Variants in XKR4 observed in about 807,000 individuals in gnomAD.
XKR4 encodes XK related 4, also known as XK-related protein 4.
Under a neutral mutation model 53.9 loss-of-function variants are expected in XKR4, and 12 were observed. The observed-to-expected ratio is 0.22, with a 90% confidence interval of 0.14 to 0.36. The LOEUF (loss-of-function observed/expected upper bound fraction) is 0.36, where lower values mean the gene tolerates loss of function less well. Among genes scored for constraint, XKR4 ranks in the 10% least tolerant of loss-of-function variants. XKR4 has a pLI of 1.00. For missense variants in XKR4, 799 were observed against 859.5 expected (o/e 0.93, Z 0.88); for synonymous variants, 354 against 362.4 (o/e 0.98, Z 0.26).
chr8:55,523,569 T>C lies in XKR4; in HGVS notation c.1295T>C (p.Val432Ala). The C allele has an allele frequency of 1.2e-6, 2 of 1,614,204 alleles. No homozygotes were observed. The highest frequency in any genetic ancestry group is 1.7e-6 in the Non-Finnish European group (2 of 1,180,042). Residue 432 changes from valine to alanine, a missense_variant, in exon 3 of 3, where the codon GTG becomes GCG. Physicochemically the swap from Val to Ala is moderately conservative, Grantham distance 64. Transcript: ENST00000327381. ...TGTATCACCAAATGGGAAGAGATTG[T>C]GTTCGACATGGTGGTGGGGATTATC... ...EFCITKWEEIVFDMVVGIIYI... is the reference protein window; with the variant it reads ...EFCITKWEEIAFDMVVGIIYI...
rs527591397 is a variant in XKR4 at position 55,461,162 on chromosome 8, G to C, written c.1007-62119G>C. 3.2e-3 allele frequency among the ~76,000 whole-genome samples: 493 copies of C among 152,312 alleles called. 4 individuals carry two copies. Among genetic ancestry groups the C allele is most frequent in the African/African-American group, 0.011 (468 of 41,576 alleles). ...AGCACGCAGCTTGAGATCTGAGAACGGGCAGCCTGCCTCCTCAAGTGGGTC... is the reference window on the plus strand; with the variant it reads ...AGCACGCAGCTTGAGATCTGAGAACCGGCAGCCTGCCTCCTCAAGTGGGTC... On this transcript the variant is annotated intron_variant, in intron 2 of 2. Transcript: ENST00000327381.
intron 1 of XKR4, among the ~76,000 whole-genome samples, chr8:55,187,257 C>T (rs1401884710): frequency 3.6e-5 from 5 of 137,534 alleles, no homozygotes; most frequent in African/African-American, 1.1e-4. Flanking sequence ...TACTCAGGTC[C>T]GACATGTAGA....
At chr8:55,344,544 A>G (rs998618418) in intron 1 of XKR4, among the ~76,000 whole-genome samples, 4 of 152,122 alleles carry the variant, frequency 2.6e-5, no homozygotes, top group Non-Finnish European at 4.4e-5. Flanking sequence ...TATTATGTCA[A>G]ATAGTAACCA....
chr8:55,116,538 T>C (rs570898758), intron 1 of XKR4, among the ~76,000 whole-genome samples: 1 of 152,186 alleles, frequency 6.6e-6, no homozygotes, highest in Non-Finnish European at 1.5e-5. Context: ...ACAAGACATG[T>C]CAGTGTCTAT....
rs773021217 is a variant in XKR4 at position 55,523,712 on chromosome 8, G to T, written c.1438G>T (p.Ala480Ser). The T allele has an allele frequency of 6.2e-6, 10 of 1,614,004 alleles. No homozygotes were observed. Among genetic ancestry groups the T allele is most frequent in the East Asian group, 2.2e-5 (1 of 44,900 alleles). Reference protein sequence around the residue: ...ALSALWYLYKAPQIADAFAIP... With the variant: ...ALSALWYLYKSPQIADAFAIP... ...GAGTGCCCTCTGGTACCTCTACAAG[G>T]CTCCCCAGATTGCAGACGCATTTGC... The change falls in exon 3 of 3, where the codon GCT (alanine) becomes TCT (serine). Residue 480 changes from alanine to serine, a missense_variant. Transcript: ENST00000327381.
Position 55,524,285 on chromosome 8 carries a change from G to A in XKR4, c.*58G>A, listed in dbSNP as rs1199010846. On this transcript the variant is annotated 3_prime_UTR_variant, in exon 3 of 3. Transcript: ENST00000327381. ...GATGAAGGGGTGACAGCAGGGCTGT[G>A]GCCATAATGACACTTCATCCTAGAG... 2.0e-6 allele frequency: 3 copies of A among 1,505,372 alleles called. No homozygotes were observed. Among genetic ancestry groups the A allele is most frequent in the African/African-American group, 1.4e-5 (1 of 72,348 alleles). 93.3% of individuals were successfully genotyped at this position (1,505,372 alleles called of 1,614,324 possible).
intron 1 of XKR4, among the ~76,000 whole-genome samples, chr8:55,222,983 C>A (rs546394910): frequency 6.6e-6 from 1 of 152,190 alleles, no homozygotes; most frequent in East Asian, 1.9e-4. Flanking sequence ...TTCAGATTCC[C>A]AGAAAAGAGC....
In XKR4 at chr8:55,534,588, A is replaced by G. The variant is rs547495888; in HGVS notation, c.*10361A>G. 1.1e-3 allele frequency: 168 copies of G among 150,764 alleles called. No homozygotes were observed. Among genetic ancestry groups the G allele is most frequent in the South Asian group, 3.4e-3 (16 of 4,756 alleles). The allele number at this position is 150,764 out of a possible 1,614,324, so 9.3% of individuals were successfully genotyped here. On this transcript the variant is annotated 3_prime_UTR_variant, in exon 3 of 3. Coordinates refer to ENST00000327381, the MANE Select transcript of XKR4 (RefSeq NM_052898.2). ...GATGGGGTTTCACCGTGTTAGCCAGAATGGTCTCGATCTCCTGACCTCGTG... is the reference window on the plus strand; with the variant it reads ...GATGGGGTTTCACCGTGTTAGCCAGGATGGTCTCGATCTCCTGACCTCGTG...
intron 1 of XKR4, among the ~76,000 whole-genome samples, chr8:55,168,943 T>A (rs905468296): frequency 6.6e-6 from 1 of 152,204 alleles, no homozygotes; most frequent in Non-Finnish European, 1.5e-5. Flanking sequence ...TGCAGGCCTA[T>A]GAAAAATCCA....
chr8:55,356,660 T>C (rs1803800110), intron 1 of XKR4, among the ~76,000 whole-genome samples: 1 of 152,010 alleles, frequency 6.6e-6, no homozygotes, highest in Non-Finnish European at 1.5e-5. Context: ...ATAGATGAAA[T>C]AATGTGATGC....
chr8:55,449,870 G>GTTCCAGCCGCT, intron 2 of XKR4: 1 of 951,830 alleles, frequency 1.1e-6, no homozygotes, highest in Non-Finnish European at 1.7e-6. Flanking sequence ...CTGGCTGTAA[G>GTTCCAGCCGCT]GGTGCTGGTG....
At chr8:55,419,866 A>G (rs936210876) in intron 2 of XKR4, among the ~76,000 whole-genome samples, 1 of 152,168 alleles carries the variant, frequency 6.6e-6, no homozygotes, top group African/African-American at 2.4e-5. Flanking sequence ...ATTACTCTCT[A>G]TTTTTCATTA....
At chr8:55,368,063 C>A (rs976181762) in intron 2 of XKR4, among the ~76,000 whole-genome samples, 1 of 152,108 alleles carries the variant, frequency 6.6e-6, no homozygotes, top group African/African-American at 2.4e-5. Context: ...CAGGTTCAAG[C>A]GATTCCCGTG....
At chr8:55,171,081 C>A (rs1341254603) in intron 1 of XKR4, among the ~76,000 whole-genome samples, 3 of 152,156 alleles carry the variant, frequency 2.0e-5, no homozygotes, top group Admixed American at 6.5e-5. Context: ...ATTTATATTG[C>A]TTTCTACAGA....
intron 1 of XKR4, among the ~76,000 whole-genome samples, chr8:55,310,175 G>A (rs1819368005): frequency 6.6e-6 from 1 of 152,130 alleles, no homozygotes; most frequent in South Asian, 2.1e-4. Context: ...AACACACTAA[G>A]TGTGAACTTA....
intron 2 of XKR4, among the ~76,000 whole-genome samples, chr8:55,505,330 A>T (rs907060167): frequency 6.6e-6 from 1 of 152,098 alleles, no homozygotes; most frequent in Non-Finnish European, 1.5e-5. Flanking sequence ...CCCACTGGTT[A>T]AGAGTATGTT....
chr8:55,467,643 G>A (rs1403800763), intron 2 of XKR4, among the ~76,000 whole-genome samples: 2 of 152,132 alleles, frequency 1.3e-5, no homozygotes, highest in African/African-American at 2.4e-5. Flanking sequence ...CCAACACTGG[G>A]TATTATCATT....
rs1280181269 is a variant in XKR4 at position 55,523,573 on chromosome 8, C to T, written c.1299C>T (p.Phe433=). The T allele has an allele frequency of 2.0e-5, 32 of 1,613,972 alleles. No individual in the cohort carries two copies. The highest frequency in any genetic ancestry group is 2.5e-5 in the Non-Finnish European group (30 of 1,180,020). ...FCITKWEEIV[F]DMVVGIIYIF... Reference sequence around the variant, plus strand: ...TCACCAAATGGGAAGAGATTGTGTTCGACATGGTGGTGGGGATTATCTATA... The same window carrying T: ...TCACCAAATGGGAAGAGATTGTGTTTGACATGGTGGTGGGGATTATCTATA... Residue 433 remains phenylalanine, a synonymous_variant, in exon 3 of 3, where the codon TTC becomes TTT. Transcript: ENST00000327381.
intron 1 of XKR4, among the ~76,000 whole-genome samples, chr8:55,242,860 G>C (rs965726185): frequency 3.9e-5 from 6 of 152,180 alleles, no homozygotes; most frequent in African/African-American, 1.4e-4. Context: ...ACTATGATGT[G>C]AAGTTTTTAA....
Sources: gnomAD v4.1 joint callset for allele counts (sites outside exome capture counted in the v4.1 genomes callset) on GRCh38, gnomAD v4.1.1 for gene constraint, MANE v1.5 for transcripts, NCBI Gene and HGNC (gene_info 2026-07-23, HGNC 2026-07-21) for gene names.